Variants in TANGO6 observed in about 807,000 individuals in gnomAD.
The protein encoded by TANGO6 is transport and golgi organization 6 homolog, also known as transport and Golgi organization protein 6 homolog.
A neutral mutation model predicts 114.2 loss-of-function variants in TANGO6; 90 were observed. That is an observed-to-expected ratio of 0.79 (90% CI 0.66 to 0.94). The LOEUF (loss-of-function observed/expected upper bound fraction) is 0.94. TANGO6 is among the 40% of genes least tolerant of loss of function. The pLI is 0.00. For synonymous variants in TANGO6, 477 were observed against 509.8 expected, an observed-to-expected ratio of 0.94 and a Z score of 0.87; for missense variants, 1,274 against 1,315.3, an observed-to-expected ratio of 0.97 and a Z score of 0.49.
chr16:69,053,216 C>CATT (rs750628356), intron 17 of TANGO6, among the ~76,000 whole-genome samples: 105 of 151,776 alleles, frequency 6.9e-4, no homozygotes, highest in African/African-American at 1.3e-3. Flanking sequence ...AATATGTATT[C>CATT]ATTATTATTA....
intron 17 of TANGO6, among the ~76,000 whole-genome samples, chr16:69,046,712 G>C (rs1959864540): frequency 6.6e-6 from 1 of 151,984 alleles, no homozygotes; most frequent in Non-Finnish European, 1.5e-5. Context: ...AAAAGAAATA[G>C]AAATGATTTT....
At chr16:68,954,555 G>A (rs892783787) in intron 14 of TANGO6, among the ~76,000 whole-genome samples, 2 of 152,188 alleles carry the variant, frequency 1.3e-5, no homozygotes, top group Non-Finnish European at 2.9e-5. Flanking sequence ...GGCTATGTAC[G>A]TGCCTAGCGA....
intron 17 of TANGO6, among the ~76,000 whole-genome samples, chr16:69,054,660 G>A (rs1048757480): frequency 2.0e-5 from 3 of 152,004 alleles, no homozygotes; most frequent in African/African-American, 2.4e-5. Context: ...CTGGCCGGGC[G>A]TGGTGGCTCA....
At chr16:69,046,767 TA>T (rs201320728) in intron 17 of TANGO6, among the ~76,000 whole-genome samples, 3 of 151,018 alleles carry the variant, frequency 2.0e-5, no homozygotes, top group Admixed American at 1.3e-4. Flanking sequence ...TACAGTGACT[TA>T]AAAAAAAATC....
intron 3 of TANGO6, 83 bp downstream of exon 3, chr16:68,863,144 T>C: frequency 1.3e-6 from 1 of 796,308 alleles, no homozygotes. Context: ...ATTAAATAAC[T>C]TTAGTTCCCT....
chr16:68,920,878 C>T (rs1415126509), intron 12 of TANGO6, among the ~76,000 whole-genome samples: 2 of 151,682 alleles, frequency 1.3e-5, no homozygotes, highest in Non-Finnish European at 2.9e-5. Context: ...GTTTGGGAGG[C>T]CGAGGTGGGC....
intron 17 of TANGO6, among the ~76,000 whole-genome samples, chr16:69,079,410 A>G (rs1040437907): frequency 6.6e-6 from 1 of 151,836 alleles, no homozygotes; most frequent in South Asian, 2.1e-4. Flanking sequence ...TATAGGCCCT[A>G]TTTCTTTTAA....
Position 68,867,150 on chromosome 16 carries a change from GCT to G in TANGO6, c.929_930del (p.Ser310Ter). The G allele has an allele frequency of 6.2e-7, 1 of 1,613,944 alleles. No individual in the cohort carries two copies. The highest frequency in any genetic ancestry group is 2.2e-5 in the East Asian group (1 of 44,886). The stretch of plus-strand genomic sequence containing the variant: ...GGCTTCGGCGTCTATGTGGACAGCT[GCT>G]CTCTGAAAGGTTAATGAGACCTAAT... ...AWLRRLCGQLLSERLMRPNGV... is the reference protein window; with the variant it reads ...AWLRRLCGQLXSERLMRPNGV... On this transcript the variant is annotated frameshift_variant, in exon 4 of 18. Coordinates refer to ENST00000261778, the MANE Select transcript of TANGO6 (RefSeq NM_024562.2). LOFTEE classifies it high-confidence loss of function.
intron 7 of TANGO6, among the ~76,000 whole-genome samples, chr16:68,887,609 G>C (rs1478927641): frequency 6.6e-6 from 1 of 152,214 alleles, no homozygotes; most frequent in Non-Finnish European, 1.5e-5. Context: ...AGGCACAGTG[G>C]CTCATGCCTA....
chr16:69,083,272 G>T (rs918649856), intron 17 of TANGO6, among the ~76,000 whole-genome samples: 8 of 151,872 alleles, frequency 5.3e-5, no homozygotes, highest in African/African-American at 9.7e-5. Context: ...CGTTGCCCAC[G>T]CTGGTCTCAA....
At chr16:68,902,623 G>A in intron 9 of TANGO6, 119 bp downstream of exon 9, 4 of 890,984 alleles carry the variant, frequency 4.5e-6, no homozygotes, top group Non-Finnish European at 6.5e-6. Flanking sequence ...AGTGGCTCAG[G>A]TGCCTGCTAT....
intron 17 of TANGO6, among the ~76,000 whole-genome samples, chr16:69,054,749 C>T (rs575504098): frequency 6.7e-5 from 10 of 149,522 alleles, no homozygotes; most frequent in South Asian, 2.1e-4. Flanking sequence ...CTGGCTAACA[C>T]GGTGAAACAC....
rs1401517505 is a variant in TANGO6, at chr16:68,927,768, A to G, written c.2328A>G (p.Ile776Met). The change falls in exon 13 of 18, where the codon ATA becomes ATG. Residue 776 changes from isoleucine to methionine, a missense_variant. Physicochemically the swap from Ile to Met is conservative, Grantham distance 10 (BLOSUM62 1). This residue lies in a region of TANGO6 where 908 missense variants were observed against 910.2 expected (regional missense o/e 1.00). Coordinates refer to ENST00000261778, the MANE Select transcript of TANGO6 (RefSeq NM_024562.2). ...TLNRKDLEGK[I>M]EEQQQTSHER... ...ACAGAAAAGATCTGGAAGGGAAAATAGAAGAGCAGCAACAAACCAGTCATG... is the reference window on the plus strand; with the variant it reads ...ACAGAAAAGATCTGGAAGGGAAAATGGAAGAGCAGCAACAAACCAGTCATG... 2.5e-6 allele frequency: 4 copies of G among 1,613,904 alleles called. No individual in the cohort carries two copies. Among genetic ancestry groups the G allele is most frequent in the African/African-American group, 1.3e-5 (1 of 74,944 alleles).
intron 1 of TANGO6, among the ~76,000 whole-genome samples, chr16:68,844,474 A>G (rs1961772973): frequency 1.3e-5 from 2 of 152,142 alleles, no homozygotes; most frequent in Admixed American, 1.3e-4. Flanking sequence ...AAGGACGTGG[A>G]AGATAGAGCT....
At chr16:69,030,107 C>CAA (rs529117472) in intron 16 of TANGO6, among the ~76,000 whole-genome samples, 2,749 of 62,308 alleles carry the variant, frequency 0.044, 126 homozygotes, top group African/African-American at 0.15. Flanking sequence ...GACTCTGACT[C>CAA]AAAAAAAAAA....
chr16:69,049,436 CT>C (rs1005925380), intron 17 of TANGO6, among the ~76,000 whole-genome samples: 84 of 144,264 alleles, frequency 5.8e-4, no homozygotes, highest in Non-Finnish European at 5.5e-4. Flanking sequence ...TTTTTTCTTT[CT>C]TTTTTTTTTT....
In TANGO6 at chr16:68,900,401, T is replaced by C. The variant is rs768816747; in HGVS notation, c.1378-33T>C. On this transcript the variant is annotated intron_variant, in intron 7 of 17. Transcript: ENST00000261778. ...TCCCGTTGCTCTGGCCAGGCAGTCA[T>C]GGGATTATTCTTCACCATTTCCTTT... 10 of 1,588,112 alleles carry C rather than the reference T, an allele frequency of 6.3e-6. No individual in the cohort carries two copies. In the Admixed American group the frequency reaches 1.7e-4, roughly 27 times the overall value.
intron 17 of TANGO6, among the ~76,000 whole-genome samples, chr16:69,049,777 T>C (rs913668335): frequency 6.6e-6 from 1 of 151,908 alleles, no homozygotes; most frequent in Non-Finnish European, 1.5e-5. Context: ...GGTCTCACTA[T>C]GTTGCCCAGG....
intron 7 of TANGO6, among the ~76,000 whole-genome samples, chr16:68,881,253 C>G (rs1463253324): frequency 2.0e-5 from 3 of 152,232 alleles, no homozygotes; most frequent in African/African-American, 7.2e-5. Context: ...GTGGCTCACG[C>G]CTGTCATCCC....
Sources: allele counts gnomAD v4.1 joint callset (sites outside exome capture counted in the v4.1 genomes callset), GRCh38; gene constraint gnomAD v4.1.1; regional missense constraint gnomAD v4.1.1; transcripts MANE v1.5; gene names NCBI Gene and HGNC (gene_info 2026-07-23, HGNC 2026-07-21).